The following SEC24A variants were observed in gnomAD, a reference collection of about 807,000 sequenced individuals.
SEC24A encodes SEC24 homolog A, COPII component, also known as protein transport protein Sec24A.
In SEC24A, 93 loss-of-function variants were observed where a neutral mutation model predicts 129.4. That is an observed-to-expected ratio of 0.72 (90% CI 0.61 to 0.85). The LOEUF is 0.85. Among genes scored for constraint, SEC24A ranks in the 40% least tolerant of loss-of-function variants. The pLI, the probability that SEC24A is intolerant of heterozygous loss-of-function variation, is 0.00. For synonymous variants in SEC24A, 460 were observed against 467.3 expected, an observed-to-expected ratio of 0.98 and a Z score of 0.20; for missense variants, 1,264 against 1,307.4, an observed-to-expected ratio of 0.97 and a Z score of 0.51.
At position 134,697,184 on chromosome 5, in the gene SEC24A, G is replaced by C; in HGVS notation, c.2045G>C (p.Gly682Ala). 1 of 1,603,516 alleles carries C rather than the reference G, an allele frequency of 6.2e-7. No homozygotes were observed. The highest frequency in any genetic ancestry group is 1.1e-5 in the South Asian group (1 of 90,302). Reference protein sequence around the residue: ...FYKKLALDCSGQQVAVDLFLL... With the variant: ...FYKKLALDCSAQQVAVDLFLL... Reference sequence around the variant, plus strand: ...AAGAAATTAGCCTTGGACTGTTCTGGTCAGCAAGTTGCTGTTGACTTATTC... The same window carrying C: ...AAGAAATTAGCCTTGGACTGTTCTGCTCAGCAAGTTGCTGTTGACTTATTC... The change falls in exon 14 of 23, where the codon GGT becomes GCT. Residue 682 changes from glycine to alanine, a missense_variant. Physicochemically the swap from Gly to Ala is moderately conservative, Grantham distance 60. Transcript: ENST00000398844.
At chr5:134,704,287 G>A (rs1216663433) in intron 16 of SEC24A, among the ~76,000 whole-genome samples, 1 of 151,920 alleles carries the variant, frequency 6.6e-6, no homozygotes, top group East Asian at 1.9e-4. Flanking sequence ...CCAGGATGGT[G>A]TGAATCTCTT....
At chr5:134,712,627 T>A (rs1038452593) in intron 18 of SEC24A, among the ~76,000 whole-genome samples, 6 of 150,004 alleles carry the variant, frequency 4.0e-5, no homozygotes, top group South Asian at 4.2e-4. Flanking sequence ...AAATATTTAA[T>A]TTTTTTTTTG....
At position 134,696,032 on chromosome 5, in the gene SEC24A, C is replaced by T. The variant is rs575242808; in HGVS notation, c.1987-1094C>T. ...CTGTAATCCCAGCACTTTGGGAGGCCGAGGCAGGCGGATCATCTAACTTTG... is the reference window on the plus strand; with the variant it reads ...CTGTAATCCCAGCACTTTGGGAGGCTGAGGCAGGCGGATCATCTAACTTTG... On this transcript the variant is annotated intron_variant, in intron 13 of 22. Coordinates refer to ENST00000398844, the MANE Select transcript of SEC24A (RefSeq NM_021982.3). Among the ~76,000 whole-genome samples the T allele has an allele frequency of 1.8e-4, 27 of 151,412 alleles. No individual in the cohort carries two copies. In the East Asian group the frequency reaches 1.9e-3, roughly 11 times the overall value.
At chr5:134,714,159 T>C (rs1357292486) in intron 18 of SEC24A, among the ~76,000 whole-genome samples, 1 of 152,162 alleles carries the variant, frequency 6.6e-6, no homozygotes, top group Non-Finnish European at 1.5e-5. Context: ...GCTTTCCTCA[T>C]TTGTAGTAGT....
chr5:134,698,459 G>A (rs537787495), intron 15 of SEC24A, among the ~76,000 whole-genome samples: 6 of 152,016 alleles, frequency 3.9e-5, no homozygotes, highest in African/African-American at 1.4e-4. Flanking sequence ...CAAAAACTTA[G>A]CTGAGCGTGG....
intron 19 of SEC24A, among the ~76,000 whole-genome samples, chr5:134,716,558 G>T (rs1481647481): frequency 6.6e-6 from 1 of 151,704 alleles, no homozygotes; most frequent in African/African-American, 2.4e-5. Flanking sequence ...AGCACTGTGG[G>T]AGGCCAAGGC....
chr5:134,712,775 T>C (rs1164159007), intron 18 of SEC24A, among the ~76,000 whole-genome samples: 1 of 151,632 alleles, frequency 6.6e-6, no homozygotes, highest in Non-Finnish European at 1.5e-5. Flanking sequence ...TGTGCCACCA[T>C]GCCTGGCTAA....
At chr5:134,686,954 A>G (rs769061946) in intron 10 of SEC24A, 52 bp downstream of exon 10, 22 of 990,026 alleles carry the variant, frequency 2.2e-5, no homozygotes, top group Non-Finnish European at 3.2e-5. Flanking sequence ...TTTCTAAATG[A>G]ATAAGTAGTT....
intron 18 of SEC24A, among the ~76,000 whole-genome samples, chr5:134,714,117 CAT>C (rs575881812): frequency 4.0e-4 from 61 of 152,006 alleles, no homozygotes; most frequent in African/African-American, 1.3e-3. Flanking sequence ...AGTTAAATAT[CAT>C]AGTTACTTAT....
At chr5:134,661,803 T>C (rs1750472599) in intron 2 of SEC24A, among the ~76,000 whole-genome samples, 1 of 148,174 alleles carries the variant, frequency 6.7e-6, no homozygotes, top group Non-Finnish European at 1.5e-5. Flanking sequence ...AGTAGTTTTT[T>C]TTTTCATTCT....
In SEC24A at chr5:134,723,673, AAG is replaced by A; in HGVS notation, c.3167+4_3167+5del. ...TTCCCAATACTTTATGTAATAAGGT[AAG>A]TTGAATTTTCCATTTGCTAGTAGTA... On this transcript the variant is annotated splice_donor_5th_base_variant and intron_variant, in intron 22 of 22. Coordinates refer to ENST00000398844, the MANE Select transcript of SEC24A (RefSeq NM_021982.3). 1 of 1,566,562 alleles carries A rather than the reference AAG, an allele frequency of 6.4e-7. No individual in the cohort carries two copies. The highest frequency in any genetic ancestry group is 8.8e-7 in the Non-Finnish European group (1 of 1,137,856).
At chr5:134,693,266 A>G (rs1197803211) in intron 12 of SEC24A, 2 of 1,433,668 alleles carry the variant, frequency 1.4e-6, no homozygotes, top group East Asian at 2.5e-5. Context: ...TATTTGTACA[A>G]CCTAACCTGT....
chr5:134,692,744 A>C, intron 12 of SEC24A, 87 bp downstream of exon 12: 2 of 879,244 alleles, frequency 2.3e-6, no homozygotes, highest in Non-Finnish European at 3.8e-6. Context: ...AATTTTGATT[A>C]TTTCTGTGAC....
chr5:134,700,037 A>G (rs147707085), intron 15 of SEC24A, among the ~76,000 whole-genome samples: 2,239 of 150,208 alleles, frequency 0.015, 72 homozygotes, highest in Admixed American at 0.079. Context: ...TCTCCACATT[A>G]TCAACCTGGT....
At chr5:134,709,165 C>T (rs1017698109) in intron 18 of SEC24A, among the ~76,000 whole-genome samples, 5 of 152,052 alleles carry the variant, frequency 3.3e-5, no homozygotes, top group East Asian at 1.9e-4. Context: ...GAGCCCATAT[C>T]GTGCCACTGT....
At chr5:134,650,151 T>C (rs1215243748) in intron 1 of SEC24A, among the ~76,000 whole-genome samples, 2 of 152,162 alleles carry the variant, frequency 1.3e-5, no homozygotes, top group African/African-American at 2.4e-5. Context: ...TAAAAGACTT[T>C]TAAAAATGTC....
rs201027650 is a variant in SEC24A at position 134,678,579 on chromosome 5, TA to T, written c.1255-1022del. 7.3e-3 allele frequency among the ~76,000 whole-genome samples: 1,090 copies of T among 149,016 alleles called. 7 individuals are homozygous for T. Among genetic ancestry groups the T allele is most frequent in the Middle Eastern group, 0.031 (9 of 286 alleles). On this transcript the variant is annotated intron_variant, in intron 7 of 22. Transcript: ENST00000398844. ...CAAAGCACTGGGATATATATATATATATTTTTTTAATTTATTTCCAAGATGG... is the reference window on the plus strand; with the variant it reads ...CAAAGCACTGGGATATATATATATATTTTTTTTAATTTATTTCCAAGATGG...
At chr5:134,659,379 C>T (rs1750369724) in intron 1 of SEC24A, among the ~76,000 whole-genome samples, 1 of 151,912 alleles carries the variant, frequency 6.6e-6, no homozygotes, top group Non-Finnish European at 1.5e-5. Context: ...GCCTCACAGA[C>T]CCATTATTTT....
chr5:134,690,821 ATTTTGTTTGTTCG>A (rs925901375), intron 11 of SEC24A, among the ~76,000 whole-genome samples: 3 of 151,954 alleles, frequency 2.0e-5, no homozygotes, highest in Non-Finnish European at 2.9e-5. Context: ...AGTCCCATTA[ATTTTGTTTGTTCG>A]TTTTGTTTTG....
Sources: allele counts gnomAD v4.1 joint callset (sites outside exome capture counted in the v4.1 genomes callset), GRCh38; gene constraint gnomAD v4.1.1; transcripts MANE v1.5; gene names NCBI Gene and HGNC (gene_info 2026-07-23, HGNC 2026-07-21).